ANKRD13C: variants seen among roughly 807,000 people sequenced by gnomAD.
The protein encoded by ANKRD13C is ankyrin repeat domain 13C.
Under a neutral mutation model 65.5 loss-of-function variants are expected in ANKRD13C, and 16 were observed. That is an observed-to-expected ratio of 0.24 (90% CI 0.17 to 0.37). ANKRD13C has a LOEUF of 0.37. Ranked by LOEUF, ANKRD13C falls within the 10% of genes least tolerant of loss-of-function variation. The pLI, the probability that ANKRD13C is intolerant of heterozygous loss-of-function variation, is 1.00. For synonymous variants in ANKRD13C, 235 were observed against 238.7 expected, an observed-to-expected ratio of 0.98 and a Z score of 0.14; for missense variants, 503 against 655.9, an observed-to-expected ratio of 0.77 and a Z score of 2.55.
chr1:70,281,618 T>C (rs1031122068), intron 9 of ANKRD13C, among the ~76,000 whole-genome samples: 2 of 151,374 alleles, frequency 1.3e-5, no homozygotes, highest in East Asian at 4.0e-4. Flanking sequence ...TTGCCCAGGC[T>C]GGTCTTGAAC....
chr1:70,345,356 G>C (rs1022224863), intron 1 of ANKRD13C, among the ~76,000 whole-genome samples: 1 of 151,890 alleles, frequency 6.6e-6, no homozygotes. Flanking sequence ...TTGAACCCAG[G>C]AGGCAGAGGT....
chr1:70,337,015 G>A (rs995278187), intron 1 of ANKRD13C, among the ~76,000 whole-genome samples: 13 of 152,006 alleles, frequency 8.6e-5, no homozygotes, highest in African/African-American at 1.9e-4. Flanking sequence ...GCAATTTTAC[G>A]AAAGTCATCA....
chr1:70,294,392 G>C (rs552297804), intron 8 of ANKRD13C, among the ~76,000 whole-genome samples: 2 of 152,246 alleles, frequency 1.3e-5, no homozygotes, highest in South Asian at 4.1e-4. Flanking sequence ...TATGATGCCA[G>C]GTGTTTGGTC....
In ANKRD13C at chr1:70,262,657, C is replaced by A; in HGVS notation, c.*60G>T. On this transcript the variant is annotated 3_prime_UTR_variant, in exon 13 of 13. Coordinates refer to ENST00000370944, the MANE Select transcript of ANKRD13C (RefSeq NM_030816.5). ...AAGCATTTGTCCCTTCTATTTGGATCCACTTCTAGGGTCTCTGTATTTTCT... is the reference window on the plus strand; with the variant it reads ...AAGCATTTGTCCCTTCTATTTGGATACACTTCTAGGGTCTCTGTATTTTCT... 6.6e-7 allele frequency: 1 copy of A among 1,510,342 alleles called. No homozygotes were observed. The highest frequency in any genetic ancestry group is 8.9e-7 in the Non-Finnish European group (1 of 1,121,834). 93.6% of individuals were successfully genotyped at this position (1,510,342 alleles called of 1,614,324 possible). A position where few individuals can be genotyped will look rare whatever the true frequency, so the allele number is the denominator to read the frequency against.
In ANKRD13C at chr1:70,330,442, C is replaced by T. The variant is rs192673821; in HGVS notation, c.473-5485G>A. Among the ~76,000 whole-genome samples, 628 of 151,884 alleles carry T rather than the reference C, an allele frequency of 4.1e-3. 6 individuals are homozygous for T. The highest frequency in any genetic ancestry group is 0.036 in the South Asian group (174 of 4,814). On this transcript the variant is annotated intron_variant, in intron 2 of 12. Coordinates refer to ENST00000370944, the MANE Select transcript of ANKRD13C (RefSeq NM_030816.5). ...ACGTGGTGGCATGCGCCTGTAATCC[C>T]GGCTGCTCAGGAGGCTGAGGCAGGA...
At chr1:70,325,958 A>C (rs1681518870) in intron 2 of ANKRD13C, among the ~76,000 whole-genome samples, 1 of 151,690 alleles carries the variant, frequency 6.6e-6, no homozygotes, top group African/African-American at 2.4e-5. Context: ...CACGCCGGGC[A>C]CAGTGGCTCA....
In ANKRD13C at chr1:70,262,827, T is replaced by C. The variant is rs1678441130; in HGVS notation, c.1516A>G (p.Ile506Val). Residue 506 changes from isoleucine (I) to valine (V), a missense_variant, in exon 13 of 13, where the codon ATC (isoleucine) becomes GTC (valine). By Grantham distance (29) the Ile-to-Val change is conservative. This residue lies in a region of ANKRD13C where 300 missense variants were observed against 478.3 expected (regional missense o/e 0.63). Coordinates refer to ENST00000370944, the MANE Select transcript of ANKRD13C (RefSeq NM_030816.5). ...VKLDIPVFPT[I>V]TATVTFQEFR... The stretch of plus-strand genomic sequence containing the variant: ...TCCTGAAAAGTCACAGTGGCTGTGA[T>C]TGTGGGAAACACAGGTATATCTACA... 6 of 1,612,830 alleles carry C rather than the reference T, an allele frequency of 3.7e-6. No individual in the cohort carries two copies. The highest frequency in any genetic ancestry group is 5.1e-6 in the Non-Finnish European group (6 of 1,179,248).
rs540703678 is a variant in ANKRD13C at position 70,261,733 on chromosome 1, T to G, written c.*984A>C. 1 of 152,666 alleles carries G rather than the reference T, an allele frequency of 6.6e-6. No individual in the cohort carries two copies. Among genetic ancestry groups the G allele is most frequent in the Admixed American group, 6.5e-5 (1 of 15,294 alleles). The allele number at this position is 152,666 out of a possible 1,614,324, so 9.5% of individuals were successfully genotyped here. On this transcript the variant is annotated 3_prime_UTR_variant, in exon 13 of 13. Coordinates refer to ENST00000370944, the MANE Select transcript of ANKRD13C (RefSeq NM_030816.5). ...TCTTATTTTGAAAGGATTAAATATGTAGGGTTGTCCAAAATATGTGTATTG... is the reference window on the plus strand; with the variant it reads ...TCTTATTTTGAAAGGATTAAATATGGAGGGTTGTCCAAAATATGTGTATTG...
At chr1:70,338,665 G>T (rs997502809) in intron 1 of ANKRD13C, among the ~76,000 whole-genome samples, 17 of 152,182 alleles carry the variant, frequency 1.1e-4, no homozygotes, top group Admixed American at 2.6e-4. Context: ...CTCCCAAAGT[G>T]CTGGGATTAC....
Position 70,315,430 on chromosome 1 carries a change from A to G in ANKRD13C, c.663+51T>C, listed in dbSNP as rs753974353. The G allele has an allele frequency of 8.1e-6, 12 of 1,476,264 alleles. No individual in the cohort carries two copies. In the African/African-American group the frequency reaches 9.9e-5, roughly 12 times the overall value. 91.4% of individuals were successfully genotyped at this position (1,476,264 alleles called of 1,614,324 possible). On this transcript the variant is annotated intron_variant, in intron 4 of 12. Coordinates refer to ENST00000370944, the MANE Select transcript of ANKRD13C (RefSeq NM_030816.5). ...TATTAAGAAAAAAATGCTTAAAACTACACTTATAATTACTTCCAAGGTGCA... is the reference window on the plus strand; with the variant it reads ...TATTAAGAAAAAAATGCTTAAAACTGCACTTATAATTACTTCCAAGGTGCA...
chr1:70,288,806 T>C (rs1679734409), intron 9 of ANKRD13C, among the ~76,000 whole-genome samples: 1 of 152,272 alleles, frequency 6.6e-6, no homozygotes, highest in East Asian at 1.9e-4. Context: ...GTGGTAGACA[T>C]CTTCTGTGTC....
At chr1:70,301,482 C>T (rs1417749215) in intron 6 of ANKRD13C, among the ~76,000 whole-genome samples, 1 of 152,180 alleles carries the variant, frequency 6.6e-6, no homozygotes, top group African/African-American at 2.4e-5. Flanking sequence ...TTCTGATATA[C>T]ACCCGTAACC....
At chr1:70,280,574 G>A (rs904181730) in intron 9 of ANKRD13C, among the ~76,000 whole-genome samples, 1 of 152,148 alleles carries the variant, frequency 6.6e-6, no homozygotes, top group African/African-American at 2.4e-5. Flanking sequence ...CAATATAGTA[G>A]CTAAAACACC....
chr1:70,340,592 T>C (rs1558312691), intron 1 of ANKRD13C, among the ~76,000 whole-genome samples: 2 of 152,318 alleles, frequency 1.3e-5, no homozygotes, highest in South Asian at 4.1e-4. Flanking sequence ...TGATTTGTTG[T>C]TGTTGTTATT....
intron 1 of ANKRD13C, among the ~76,000 whole-genome samples, chr1:70,343,780 C>T (rs1012340917): frequency 3.9e-5 from 6 of 152,148 alleles, no homozygotes; most frequent in Non-Finnish European, 7.4e-5. Flanking sequence ...TCAAGTGATC[C>T]GCCCACCTCA....
rs1019703113 is a variant in ANKRD13C, at chr1:70,259,184, T to C, written c.*3533A>G. Among the ~76,000 whole-genome samples, 1 of 152,208 alleles carries C rather than the reference T, an allele frequency of 6.6e-6. No individual in the cohort carries two copies. The highest frequency in any genetic ancestry group is 1.5e-5 in the Non-Finnish European group (1 of 68,020). ...TAGAACATCCCAATTACTGTCATCC[T>C]TCTTTAGTCATCAAGAACTCTATGT... On this transcript the variant is annotated 3_prime_UTR_variant, in exon 13 of 13. Coordinates refer to ENST00000370944, the MANE Select transcript of ANKRD13C (RefSeq NM_030816.5).
intron 1 of ANKRD13C, among the ~76,000 whole-genome samples, chr1:70,343,568 T>C (rs1158313019): frequency 6.6e-6 from 1 of 152,210 alleles, no homozygotes; most frequent in Non-Finnish European, 1.5e-5. Flanking sequence ...GTTTGTTTGT[T>C]TGTGACAAAG....
chr1:70,266,566 A>T (rs1255351691), intron 12 of ANKRD13C, among the ~76,000 whole-genome samples: 3 of 152,192 alleles, frequency 2.0e-5, no homozygotes, highest in Non-Finnish European at 4.4e-5. Context: ...TATGTCTATA[A>T]AAATATCTTG....
chr1:70,285,187 CTTTTTTT>C (rs60703728), intron 9 of ANKRD13C, among the ~76,000 whole-genome samples: 1 of 105,236 alleles, frequency 9.5e-6, no homozygotes, highest in African/African-American at 4.2e-5. Flanking sequence ...TTTATAATGT[CTTTTTTT>C]TTTTTTTTTT....
Sources: gnomAD v4.1 joint callset for allele counts (sites outside exome capture counted in the v4.1 genomes callset) on GRCh38, gnomAD v4.1.1 for gene constraint, gnomAD v4.1.1 regional missense constraint, MANE v1.5 for transcripts, NCBI Gene and HGNC (gene_info 2026-07-23, HGNC 2026-07-21) for gene names.